TACC2: variants seen among roughly 807,000 people sequenced by gnomAD.
The protein encoded by TACC2 is transforming acidic coiled-coil containing protein 2.
TACC2 carries 137 observed loss-of-function variants against 227.3 expected under a neutral mutation model. That is an observed-to-expected ratio of 0.60 (90% CI 0.52 to 0.69). The LOEUF is 0.69. Ranked by LOEUF, TACC2 falls within the 30% of genes least tolerant of loss-of-function variation. TACC2 has a pLI of 0.00. For missense variants in TACC2, 3,470 were observed against 3,694.4 expected, an observed-to-expected ratio of 0.94 and a Z score of 1.57; for synonymous variants, 1,523 against 1,487.5, an observed-to-expected ratio of 1.02 and a Z score of -0.55.
At chr10:122,147,667 T>C (rs1184831215) in intron 7 of TACC2, among the ~76,000 whole-genome samples, 1 of 152,246 alleles carries the variant, frequency 6.6e-6, no homozygotes. Context: ...TTCATTTTAT[T>C]CTTTGGGTTA....
chr10:122,095,441 C>G (rs2081273339), intron 5 of TACC2, among the ~76,000 whole-genome samples: 1 of 152,240 alleles, frequency 6.6e-6, no homozygotes, highest in African/African-American at 2.4e-5. Flanking sequence ...GCCACAAGTG[C>G]TCTGTATAAG....
Position 122,105,940 on chromosome 10 carries a change from C to CTGTGTG in TACC2, c.5573+17350_5573+17351insGTGTGT, listed in dbSNP as rs1336236763. On this transcript the variant is annotated intron_variant, in intron 5 of 22. Coordinates refer to ENST00000369005, the MANE Select transcript of TACC2 (RefSeq NM_206862.4). ...GCCTGGCCTGTCATAAACATTTTCT[C>CTGTGTG]TCTCTGTGTGTGTGTGTGTGTGTGT... is the stretch of plus-strand genomic sequence containing the variant. 1.4e-4 allele frequency among the ~76,000 whole-genome samples: 11 copies of CTGTGTG among 79,796 alleles called. No individual in the cohort carries two copies. The East Asian group carries it at 2.1e-3, about 15-fold the overall frequency. 52.3% of individuals were successfully genotyped at this position (79,796 alleles called of 152,430 possible). A position where few individuals can be genotyped will look rare whatever the true frequency, so the allele number is the denominator to read the frequency against.
chr10:122,253,813 G>C (rs1270836428), intron 22 of TACC2, among the ~76,000 whole-genome samples, 178 bp from the exon 23 acceptor site: 2 of 152,220 alleles, frequency 1.3e-5, no homozygotes, highest in African/African-American at 4.8e-5. Flanking sequence ...ACTTGTGGAA[G>C]ATCACACAGC....
rs1035902839 is a variant in TACC2 at position 122,035,150 on chromosome 10, A to G, written c.33+13136A>G. On this transcript the variant is annotated intron_variant, in intron 2 of 22. Transcript: ENST00000369005. The stretch of plus-strand genomic sequence containing the variant: ...GGGGAAGAGCACTTTGTCCGGTTCT[A>G]TCTCACAGAGGTCTTCCATCGTGCT... Among the ~76,000 whole-genome samples, 9 of 152,280 alleles carry G rather than the reference A, an allele frequency of 5.9e-5. 1 individual carries two copies. Among genetic ancestry groups the G allele is most frequent in the South Asian group, 4.2e-4 (2 of 4,816 alleles).
chr10:122,045,317 G>A (rs750632955), intron 2 of TACC2, among the ~76,000 whole-genome samples: 1 of 152,152 alleles, frequency 6.6e-6, no homozygotes, highest in Non-Finnish European at 1.5e-5. Flanking sequence ...ATAGAGCAAC[G>A]AATTCCACTG....
chr10:122,119,611 C>CTT (rs1278124108), intron 5 of TACC2, among the ~76,000 whole-genome samples: 1 of 152,178 alleles, frequency 6.6e-6, no homozygotes, highest in Non-Finnish European at 1.5e-5. Context: ...GTTTATTTGT[C>CTT]ATCTTTTGAG....
At chr10:122,189,263 G>A (rs550158357) in intron 7 of TACC2, among the ~76,000 whole-genome samples, 29 of 152,192 alleles carry the variant, frequency 1.9e-4, no homozygotes, top group African/African-American at 6.3e-4. Context: ...TCTAGCATGC[G>A]CAGTTTCAAA....
chr10:122,074,706 T>C (rs1054102114), intron 3 of TACC2, among the ~76,000 whole-genome samples: 1 of 152,020 alleles, frequency 6.6e-6, no homozygotes, highest in Admixed American at 6.6e-5. Context: ...AGACTTATGA[T>C]TGATGGAGAG....
At position 122,084,810 on chromosome 10, in the gene TACC2, G is replaced by A. The variant is rs747341872; in HGVS notation, c.2310G>A (p.Ser770=). 9.9e-6 allele frequency: 16 copies of A among 1,613,596 alleles called. No individual in the cohort carries two copies. The highest frequency in any genetic ancestry group is 8.8e-5 in the South Asian group (8 of 91,090). ...CCCGCGGGCCGGCGTGTGATGCGTCGAGACAGGAATTTCATGCTGGGGTGC... is the reference window on the plus strand; with the variant it reads ...CCCGCGGGCCGGCGTGTGATGCGTCAAGACAGGAATTTCATGCTGGGGTGC... ...DQPRGPACDA[S]RQEFHAGVPH... The change falls in exon 4 of 23, where the codon TCG becomes TCA. Residue 770 remains serine, a synonymous_variant. Coordinates refer to ENST00000369005, the MANE Select transcript of TACC2 (RefSeq NM_206862.4).
At chr10:122,239,369 C>T (rs914652202) in intron 18 of TACC2, among the ~76,000 whole-genome samples, 2 of 152,192 alleles carry the variant, frequency 1.3e-5, no homozygotes, top group African/African-American at 4.8e-5. Context: ...AGCAGAAAAG[C>T]GAACTGTAGG....
At chr10:122,196,477 G>A (rs931772553) in intron 8 of TACC2, among the ~76,000 whole-genome samples, 2 of 152,012 alleles carry the variant, frequency 1.3e-5, no homozygotes, top group South Asian at 2.1e-4. Context: ...GGATAGTGAC[G>A]GATATTTCTT....
At chr10:122,028,199 C>T (rs1461471011) in intron 2 of TACC2, among the ~76,000 whole-genome samples, 3 of 143,692 alleles carry the variant, frequency 2.1e-5, no homozygotes, top group Non-Finnish European at 4.5e-5. Flanking sequence ...AAGCGATTCT[C>T]CTGCCTCAGC....
intron 1 of TACC2, among the ~76,000 whole-genome samples, chr10:122,008,611 C>T (rs749068925): frequency 6.6e-5 from 10 of 150,738 alleles, no homozygotes; most frequent in Non-Finnish European, 1.5e-4. Context: ...CTCACTCTGT[C>T]ACCCAGGCTG....
At chr10:122,104,262 TG>T (rs1389481223) in intron 5 of TACC2, among the ~76,000 whole-genome samples, 2 of 152,210 alleles carry the variant, frequency 1.3e-5, no homozygotes, top group African/African-American at 4.8e-5. Context: ...CAATCATTCA[TG>T]GGCCACATTC....
intron 7 of TACC2, among the ~76,000 whole-genome samples, chr10:122,175,966 A>G (rs1054146521): frequency 6.6e-6 from 1 of 151,992 alleles, no homozygotes; most frequent in East Asian, 1.9e-4. Flanking sequence ...CTATAGTCCC[A>G]GTTGCTTGGG....
intron 1 of TACC2, among the ~76,000 whole-genome samples, chr10:122,015,550 C>T (rs1240753911): frequency 2.0e-5 from 3 of 151,670 alleles, no homozygotes; most frequent in Non-Finnish European, 2.9e-5. Flanking sequence ...TTATGAAATG[C>T]ATTAATAAGA....
chr10:122,034,513 A>G (rs868385903), intron 2 of TACC2, among the ~76,000 whole-genome samples: 14 of 152,176 alleles, frequency 9.2e-5, no homozygotes, highest in African/African-American at 3.4e-4. Context: ...GCCAACAGCA[A>G]TGCTTCCTGG....
intron 14 of TACC2, 79 bp from the exon 15 acceptor site, chr10:122,229,267 A>G (rs960739707): frequency 1.3e-6 from 2 of 1,548,794 alleles, no homozygotes; most frequent in Non-Finnish European, 1.8e-6. Context: ...AAATGGCTGC[A>G]TGGCCCTTGC....
intron 1 of TACC2, among the ~76,000 whole-genome samples, chr10:122,019,189 C>CACCA (rs1565081990): frequency 6.6e-6 from 1 of 152,256 alleles, no homozygotes; most frequent in East Asian, 1.9e-4. Context: ...GCAAGTCTGC[C>CACCA]TATCAGCGAT....
Sources: gnomAD v4.1 joint callset for allele counts (sites outside exome capture counted in the v4.1 genomes callset) on GRCh38, gnomAD v4.1.1 for gene constraint, MANE v1.5 for transcripts, NCBI Gene and HGNC (gene_info 2026-07-23, HGNC 2026-07-21) for gene names.